The following SLC49A4 variants were observed in gnomAD, a reference collection of about 807,000 sequenced individuals.
The protein encoded by SLC49A4 is solute carrier family 49 member 4, also known as disrupted in renal cancer protein 2.
SLC49A4 carries 36 observed loss-of-function variants against 50.6 expected under a neutral mutation model. The ratio of observed to expected loss-of-function variants is 0.71; its 90% CI spans 0.55 to 0.94. The LOEUF is 0.94. SLC49A4 is among the 40% of genes least tolerant of loss of function. The pLI is 0.00. For synonymous variants in SLC49A4, 248 were observed against 241.2 expected (o/e 1.03, Z -0.26); for missense variants, 503 against 605.7 (o/e 0.83, Z 1.78).
At position 122,816,049 on chromosome 3, in the gene SLC49A4, C is replaced by T. The variant is rs117607369; in HGVS notation, c.437+9099C>T. ...ATGGTTCTTATACCTGTTGAATCTC[C>T]TCTTTACTTTACCAGCTTGGGTACC... On this transcript the variant is annotated intron_variant, in intron 2 of 8. Coordinates refer to ENST00000261038, the MANE Select transcript of SLC49A4 (RefSeq NM_032839.3). Among the ~76,000 whole-genome samples the T allele has an allele frequency of 8.9e-4, 136 of 152,250 alleles. No individual in the cohort carries two copies. The East Asian group carries it at 0.022, about 25-fold the overall frequency.
chr3:122,856,033 C>A (rs1263818617), intron 5 of SLC49A4, among the ~76,000 whole-genome samples: 1 of 152,130 alleles, frequency 6.6e-6, no homozygotes, highest in African/African-American at 2.4e-5. Context: ...ATCTTCCATC[C>A]TTTTCTTATT....
chr3:122,830,920 T>G (rs1936599726), intron 3 of SLC49A4, among the ~76,000 whole-genome samples: 1 of 152,092 alleles, frequency 6.6e-6, no homozygotes, highest in South Asian at 2.1e-4. Context: ...TAAAGCATTC[T>G]TACAACTCAA....
intron 4 of SLC49A4, among the ~76,000 whole-genome samples, chr3:122,843,595 A>G (rs1936805286): frequency 1.3e-5 from 2 of 152,186 alleles, no homozygotes; most frequent in South Asian, 2.1e-4. Context: ...ACACATTGCA[A>G]TTGGTCCAAA....
At position 122,879,657 on chromosome 3, in the gene SLC49A4, A is replaced by G. The variant is rs982316715; in HGVS notation, c.*279A>G. 6.6e-5 allele frequency: 17 copies of G among 258,534 alleles called. No individual in the cohort carries two copies. Among genetic ancestry groups the G allele is most frequent in the Non-Finnish European group, 2.2e-5 (3 of 137,102 alleles). The allele number at this position is 258,534 out of a possible 1,614,324, so 16.0% of individuals were successfully genotyped here. On this transcript the variant is annotated 3_prime_UTR_variant, in exon 9 of 9. Transcript: ENST00000261038. ...ACTTCTTACACATAAAGCACTACCT[A>G]AGTAATTCTCTCTCTGTTTTGTGCC...
intron 8 of SLC49A4, among the ~76,000 whole-genome samples, chr3:122,874,107 G>C (rs1260964827): frequency 6.6e-6 from 1 of 152,184 alleles, no homozygotes; most frequent in Non-Finnish European, 1.5e-5. Flanking sequence ...TTTGCTTATG[G>C]TCTCTAGGAT....
chr3:122,814,110 A>G (rs1560199409), intron 2 of SLC49A4, among the ~76,000 whole-genome samples: 1 of 152,192 alleles, frequency 6.6e-6, no homozygotes, highest in Non-Finnish European at 1.5e-5. Flanking sequence ...GTCTCTACTA[A>G]AAATACGAAA....
At chr3:122,819,936 G>A (rs1936428071) in intron 2 of SLC49A4, among the ~76,000 whole-genome samples, 1 of 151,570 alleles carries the variant, frequency 6.6e-6, no homozygotes, top group Admixed American at 6.6e-5. Context: ...GAGTTTTGGA[G>A]GTAAGTATTT....
At chr3:122,817,384 A>G (rs950126691) in intron 2 of SLC49A4, among the ~76,000 whole-genome samples, 3 of 152,296 alleles carry the variant, frequency 2.0e-5, no homozygotes, top group African/African-American at 7.2e-5. Context: ...AAAGGAACCC[A>G]GCCTTGCCAA....
At chr3:122,877,894 A>G (rs80020205) in intron 8 of SLC49A4, among the ~76,000 whole-genome samples, 1 of 152,236 alleles carries the variant, frequency 6.6e-6, no homozygotes, top group African/African-American at 2.4e-5. Context: ...CAATCCAAGT[A>G]AAGCAGAGAA....
At chr3:122,846,131 A>G (rs1936845903) in intron 5 of SLC49A4, among the ~76,000 whole-genome samples, 1 of 152,210 alleles carries the variant, frequency 6.6e-6, no homozygotes, top group African/African-American at 2.4e-5. Flanking sequence ...AGGAAGTCTT[A>G]GTTTTGTTGA....
chr3:122,868,428 T>C (rs141273072), intron 7 of SLC49A4, among the ~76,000 whole-genome samples: 31 of 152,350 alleles, frequency 2.0e-4, no homozygotes, highest in South Asian at 1.7e-3. Flanking sequence ...TTAGTATCAG[T>C]ATTATACAAA....
intron 7 of SLC49A4, among the ~76,000 whole-genome samples, chr3:122,867,273 A>C (rs1007945365): frequency 6.6e-6 from 1 of 152,220 alleles, no homozygotes; most frequent in African/African-American, 2.4e-5. Flanking sequence ...TAGGCCTTTC[A>C]TGTCAATACC....
chr3:122,795,184 C>T lies in SLC49A4; in HGVS notation c.-9C>T. On this transcript the variant is annotated 5_prime_UTR_variant, in exon 1 of 9. The change creates a new upstream start codon in the 5' untranslated region. Coordinates refer to ENST00000261038, the MANE Select transcript of SLC49A4 (RefSeq NM_032839.3). ...CGCCCGGCAGTGGCTTCGCGGGCGA[C>T]GCGTCGCCATGGGCTCTCGCTGGAG... 28 of 1,315,270 alleles carry T rather than the reference C, an allele frequency of 2.1e-5. No homozygotes were observed. Among genetic ancestry groups the T allele is most frequent in the Non-Finnish European group, 2.7e-5 (28 of 1,041,636 alleles). The allele number at this position is 1,315,270 out of a possible 1,614,324, so 81.5% of individuals were successfully genotyped here.
intron 3 of SLC49A4, among the ~76,000 whole-genome samples, chr3:122,832,557 A>G (rs113913775): frequency 1.3e-5 from 2 of 152,188 alleles, no homozygotes; most frequent in African/African-American, 2.4e-5. Context: ...GCATCAGACT[A>G]TCCTATTATG....
intron 8 of SLC49A4, among the ~76,000 whole-genome samples, chr3:122,873,382 G>A (rs1426987232): frequency 1.3e-5 from 2 of 152,014 alleles, no homozygotes; most frequent in Non-Finnish European, 2.9e-5. Flanking sequence ...GTTTCACTGT[G>A]TTGGCCAGGC....
chr3:122,801,551 C>T (rs1422293536), intron 1 of SLC49A4, among the ~76,000 whole-genome samples: 10 of 152,056 alleles, frequency 6.6e-5, no homozygotes, highest in East Asian at 1.9e-4. Context: ...AGATCGAGAT[C>T]GCGCCATTAC....
chr3:122,809,948 A>G (rs897483269), intron 2 of SLC49A4, among the ~76,000 whole-genome samples: 1 of 152,232 alleles, frequency 6.6e-6, no homozygotes, highest in African/African-American at 2.4e-5. Flanking sequence ...GAAGCTGTTA[A>G]AATGAAAATG....
chr3:122,809,805 G>T (rs1359696386), intron 2 of SLC49A4, among the ~76,000 whole-genome samples: 1 of 152,196 alleles, frequency 6.6e-6, no homozygotes, highest in Non-Finnish European at 1.5e-5. Context: ...TTCATAAAAA[G>T]AGTGTATAAA....
Position 122,872,432 on chromosome 3 carries a change from T to G in SLC49A4, c.1156T>G (p.Cys386Gly), listed in dbSNP as rs771935409. 2 of 1,611,160 alleles carry G rather than the reference T, an allele frequency of 1.2e-6. No homozygotes were observed. Among genetic ancestry groups the G allele is most frequent in the South Asian group, 2.2e-5 (2 of 90,014 alleles). The change falls in exon 8 of 9, where the codon TGT becomes GGT. Residue 386 changes from cysteine to glycine, a missense_variant. Cys to Gly is a radical substitution (Grantham distance 159). Coordinates refer to ENST00000261038, the MANE Select transcript of SLC49A4 (RefSeq NM_032839.3). ...PLTTVTLYAS[C>G]ILLGVFLNSS... The stretch of plus-strand genomic sequence containing the variant: ...TATTTTAGTGACATTGTATGCCTCC[T>G]GTATTCTCCTGGGAGTGTTCTTGAA...
Sources: gnomAD v4.1 joint callset for allele counts (sites outside exome capture counted in the v4.1 genomes callset) on GRCh38, gnomAD v4.1.1 for gene constraint, MANE v1.5 for transcripts, NCBI Gene and HGNC (gene_info 2026-07-23, HGNC 2026-07-21) for gene names.